The following SYTL5 variants were observed in gnomAD, a reference collection of about 807,000 sequenced individuals.
SYTL5 encodes synaptotagmin like 5, also known as synaptotagmin-like protein 5.
Under a neutral mutation model 55.9 loss-of-function variants are expected in SYTL5, and 34 were observed. That is an observed-to-expected ratio of 0.61 (90% CI 0.46 to 0.81). The LOEUF is 0.81. Ranked by LOEUF, SYTL5 falls within the 30% of genes least tolerant of loss-of-function variation. SYTL5 has a pLI of 0.00. For missense variants in SYTL5, 637 were observed against 546.7 expected, an observed-to-expected ratio of 1.17 and a Z score of -1.65; for synonymous variants, 221 against 188.7, an observed-to-expected ratio of 1.17 and a Z score of -1.40.
intron 2 of SYTL5, among the ~76,000 whole-genome samples, chrX:38,043,707 A>G (rs1346346384): frequency 1.1e-5 from 1 of 94,401 alleles, no homozygotes; most frequent in Non-Finnish European, 2.1e-5. Context: ...ATATATACAT[A>G]TTTTCATATA....
At chrX:37,960,148 G>A in the SYTL5 span, among the ~76,000 whole-genome samples, 1 of 111,364 alleles carries the variant, frequency 9.0e-6, no homozygotes, top group African/African-American at 3.3e-5. Context: ...CCTGTAATGG[G>A]AGGGGAAGAC....
the SYTL5 span, among the ~76,000 whole-genome samples, chrX:37,977,700 T>TCACACA: frequency 4.1e-3 from 337 of 82,546 alleles, 3 homozygotes; most frequent in African/African-American, 0.013. Flanking sequence ...GGACCAATGA[T>TCACACA]CACACACACA....
At chrX:37,944,986 G>A in the SYTL5 span, among the ~76,000 whole-genome samples, 2 of 112,513 alleles carry the variant, frequency 1.8e-5, no homozygotes, top group Admixed American at 9.4e-5. Context: ...ATAGATGGTC[G>A]ACTGATTTCA....
At chrX:37,944,765 G>A in the SYTL5 span, among the ~76,000 whole-genome samples, 1 of 112,383 alleles carries the variant, frequency 8.9e-6, no homozygotes, top group Non-Finnish European at 1.9e-5. Context: ...TATCCTTAAG[G>A]AGACTGAGTC....
intron 7 of SYTL5, among the ~76,000 whole-genome samples, chrX:38,094,040 T>C (rs1037784608): frequency 2.7e-5 from 3 of 111,182 alleles, no homozygotes; most frequent in Admixed American, 9.6e-5. Flanking sequence ...CACTCATTGA[T>C]TTGGGGAATG....
chrX:37,979,478 G>T, the SYTL5 span, among the ~76,000 whole-genome samples: 1 of 101,243 alleles, frequency 9.9e-6, no homozygotes, highest in African/African-American at 3.6e-5. Context: ...TAGTGAATTG[G>T]GTTCTGAGTT....
At chrX:37,909,836 G>A in the SYTL5 span, among the ~76,000 whole-genome samples, 18 of 109,975 alleles carry the variant, frequency 1.6e-4, no homozygotes, top group African/African-American at 4.6e-4. Flanking sequence ...CACCACACGC[G>A]GCTGATTTTT....
chrX:38,023,210 C>T (rs1934620236), intron 1 of SYTL5, among the ~76,000 whole-genome samples: 1 of 112,022 alleles, frequency 8.9e-6, no homozygotes, highest in Non-Finnish European at 1.9e-5. Context: ...TCCATTATTT[C>T]CCACAAAAGC....
intron 12 of SYTL5, among the ~76,000 whole-genome samples, chrX:38,108,940 C>A (rs759115939): frequency 4.4e-5 from 5 of 112,553 alleles, no homozygotes; most frequent in South Asian, 7.4e-4. Context: ...TAGAGAGGAT[C>A]CAGCCAAACT....
chrX:38,059,556 A>G (rs1430340288), intron 3 of SYTL5, among the ~76,000 whole-genome samples: 1 of 112,120 alleles, frequency 8.9e-6, no homozygotes, highest in East Asian at 2.8e-4. Context: ...CTCATAGGGA[A>G]TACTCCTTCA....
the SYTL5 span, among the ~76,000 whole-genome samples, chrX:37,986,870 C>T: frequency 1.8e-5 from 2 of 111,512 alleles, no homozygotes; most frequent in African/African-American, 3.3e-5. Context: ...AGTTTTAAAT[C>T]TTTTTTTATT....
At chrX:37,937,494 A>C in the SYTL5 span, among the ~76,000 whole-genome samples, 3 of 111,613 alleles carry the variant, frequency 2.7e-5, no homozygotes, top group East Asian at 2.8e-4. Context: ...CAACTGCAAG[A>C]AATGAAGTCT....
At chrX:37,941,149 TGTAA>T in the SYTL5 span, among the ~76,000 whole-genome samples, 3 of 111,808 alleles carry the variant, frequency 2.7e-5, no homozygotes, top group African/African-American at 9.8e-5. Flanking sequence ...GATTATTAAA[TGTAA>T]GTGTCATAAG....
At chrX:37,892,670 GTATATATGTATATATTAGTATATA>G in the SYTL5 span, among the ~76,000 whole-genome samples, 1 of 83,683 alleles carries the variant, frequency 1.2e-5, no homozygotes, top group African/African-American at 5.6e-5. Context: ...ACATATATTA[GTATATATGTATATATTAGTATATA>G]TACATATATT....
chrX:38,043,684 T>TATATATATATATATATATAC (rs1935368252), intron 2 of SYTL5, among the ~76,000 whole-genome samples: 1 of 72,676 alleles, frequency 1.4e-5, no homozygotes, highest in African/African-American at 7.9e-5. Flanking sequence ...TATATATATA[T>TATATATATATATATATATAC]ATATATACAT....
At chrX:37,913,789 T>G in the SYTL5 span, among the ~76,000 whole-genome samples, 3 of 112,386 alleles carry the variant, frequency 2.7e-5, no homozygotes, top group Non-Finnish European at 5.6e-5. Context: ...GATTACGCCC[T>G]AGTTGTTTAC....
rs551720237 is a variant in SYTL5 at position 38,077,922 on chromosome X, C to T, written c.689+1221C>T. On this transcript the variant is annotated intron_variant, in intron 6 of 16. Coordinates refer to ENST00000297875, the MANE Select transcript of SYTL5 (RefSeq NM_138780.3). ...GTGGCTCACATCTATAATCCCAATG[C>T]TTTAGAAGGCTAAGGCAGGAAGATT... Among the ~76,000 whole-genome samples the T allele has an allele frequency of 2.2e-3, 244 of 111,783 alleles. 2 individuals carry two copies. The highest frequency in any genetic ancestry group is 9.5e-3 in the South Asian group (25 of 2,619).
intron 1 of SYTL5, among the ~76,000 whole-genome samples, chrX:38,022,744 G>C (rs1238941166): frequency 8.9e-6 from 1 of 112,179 alleles, no homozygotes; most frequent in African/African-American, 3.2e-5. Context: ...TGGGGATAAG[G>C]ATGTGGACTT....
At chrX:37,904,265 C>CGGT in the SYTL5 span, among the ~76,000 whole-genome samples, 2 of 63,155 alleles carry the variant, frequency 3.2e-5, no homozygotes, top group African/African-American at 1.2e-4. Flanking sequence ...TGGGGTGGTC[C>CGGT]GGGGGGGGGG....
Sources: allele counts gnomAD v4.1 joint callset (sites outside exome capture counted in the v4.1 genomes callset), GRCh38; gene constraint gnomAD v4.1.1; transcripts MANE v1.5; gene names NCBI Gene and HGNC (gene_info 2026-07-23, HGNC 2026-07-21).